The following GAREM2 variants were observed in gnomAD, a reference collection of about 807,000 sequenced individuals.
GAREM2 encodes the protein GRB2-associated and regulator of MAPK protein 2.
Under a neutral mutation model 55.6 loss-of-function variants are expected in GAREM2, and 30 were observed. The ratio of observed to expected loss-of-function variants is 0.54; its 90% CI spans 0.40 to 0.73. GAREM2 has a LOEUF of 0.73. Among genes scored for constraint, GAREM2 ranks in the 30% least tolerant of loss-of-function variants. The pLI, the probability that GAREM2 is intolerant of heterozygous loss-of-function variation, is 0.00. For synonymous variants in GAREM2, 550 were observed against 569.1 expected (o/e 0.97, Z 0.48); for missense variants, 1,075 against 1,257.7 (o/e 0.85, Z 2.20).
At chr2:26,199,802 C>T in the GAREM2 span, among the ~76,000 whole-genome samples, 9 of 152,134 alleles carry the variant, frequency 5.9e-5, no homozygotes, top group Admixed American at 2.0e-4. Context: ...CCTGCAGCCA[C>T]GCTACAAAGA....
intron 5 of GAREM2, 75 bp downstream of exon 5, chr2:26,186,433 A>G: frequency 7.3e-7 from 1 of 1,375,482 alleles, no homozygotes. Context: ...GGGGAACTAC[A>G]GTGCTGAGGA....
At chr2:26,194,721 A>G in the GAREM2 span, 7 of 899,990 alleles carry the variant, frequency 7.8e-6, no homozygotes, top group Non-Finnish European at 9.3e-6. Flanking sequence ...GGGTCACTTC[A>G]AAGTCATTTG....
rs1669344102 is a variant in GAREM2 at position 26,187,974 on chromosome 2, C to G, written c.2342C>G (p.Pro781Arg). 1 of 1,460,774 alleles carries G rather than the reference C, an allele frequency of 6.8e-7. No individual in the cohort carries two copies. The highest frequency in any genetic ancestry group is 9.1e-7 in the Non-Finnish European group (1 of 1,101,384). 90.5% of individuals were successfully genotyped at this position (1,460,774 alleles called of 1,614,324 possible). A position where few individuals can be genotyped will look rare whatever the true frequency, so the allele number is the denominator to read the frequency against. ...LFLTQGRLEG[P>R]PASPRDGATG... is the part of the protein sequence containing the mutation. ...CTAACCCAAGGGCGCCTGGAAGGGC[C>G]TCCTGCCAGTCCCCGGGATGGAGCC... is the stretch of plus-strand genomic sequence containing the variant. The change falls in exon 6 of 6, where the codon CCT (proline) becomes CGT (arginine). Residue 781 changes from proline (P) to arginine (R), a missense_variant. Around this residue, in one of 6 missense-constraint regions of GAREM2, gnomAD observed 142 missense variants for 172.3 expected, o/e 0.82. Transcript: ENST00000401533.
At chr2:26,197,634 T>C in the GAREM2 span, 4 of 845,292 alleles carry the variant, frequency 4.7e-6, no homozygotes, top group Non-Finnish European at 8.3e-6. Context: ...TGTAAGCCTT[T>C]ATCAGTGAAT....
the GAREM2 span, among the ~76,000 whole-genome samples, chr2:26,203,867 A>G: frequency 6.6e-6 from 1 of 152,238 alleles, no homozygotes; most frequent in African/African-American, 2.4e-5. Flanking sequence ...GAAGTCAAAG[A>G]AGGAATTGGC....
At position 26,180,853 on chromosome 2, in the gene GAREM2, A is replaced by G. The variant is rs1669026842; in HGVS notation, c.254-2114A>G. On this transcript the variant is annotated intron_variant, in intron 2 of 5. Coordinates refer to ENST00000401533, the MANE Select transcript of GAREM2 (RefSeq NM_001168241.2). ...GGCTGGTCTCAAACTGCTGACCTCA[A>G]GTGATCTGCCCACTTTGGCCTCCCA... The G allele has an allele frequency of 4.3e-6, 4 of 937,486 alleles. No individual in the cohort carries two copies. The South Asian group carries it at 2.0e-4, about 46-fold the overall frequency. 58.1% of individuals were successfully genotyped at this position (937,486 alleles called of 1,614,324 possible). A position where few individuals can be genotyped will look rare whatever the true frequency, so the allele number is the denominator to read the frequency against.
the GAREM2 span, among the ~76,000 whole-genome samples, chr2:26,196,864 C>T: frequency 6.6e-6 from 1 of 152,202 alleles, no homozygotes; most frequent in African/African-American, 2.4e-5. Context: ...TGTAGACTAT[C>T]GGCTGCAACT....
chr2:26,200,116 T>C, the GAREM2 span, among the ~76,000 whole-genome samples: 1 of 152,228 alleles, frequency 6.6e-6, no homozygotes, highest in Non-Finnish European at 1.5e-5. Context: ...GTTAGCTCTA[T>C]GGGCAATAAG....
At chr2:26,191,440 C>T (rs1387910535), downstream of GAREM2, 2 of 1,614,160 alleles carry the variant, frequency 1.2e-6, no homozygotes, top group Non-Finnish European at 1.7e-6. Flanking sequence ...GCAACACGGG[C>T]TCCAGGCTAA....
chr2:26,178,452 C>G (rs1259064316), intron 2 of GAREM2, among the ~76,000 whole-genome samples: 2 of 151,938 alleles, frequency 1.3e-5, no homozygotes, highest in Admixed American at 6.5e-5. Flanking sequence ...GGCGTGGTGG[C>G]GCAGGCCTGT....
In GAREM2 at chr2:26,186,235, G is replaced by C. The variant is rs1263948942; in HGVS notation, c.1475G>C (p.Arg492Pro). 16 of 1,546,830 alleles carry C rather than the reference G, an allele frequency of 1.0e-5. No individual in the cohort carries two copies. The South Asian group carries it at 1.6e-4, about 15-fold the overall frequency. ...RLLNAPPVPP[R>P]GGNGSGRLSS... The stretch of plus-strand genomic sequence containing the variant: ...CTCAATGCCCCTCCAGTGCCTCCCC[G>C]GGGTGGCAATGGCAGCGGCCGGCTC... The change falls in exon 5 of 6, where the codon CGG (arginine) becomes CCG (proline). Residue 492 changes from arginine (R) to proline (P), a missense_variant. This residue lies in a region of GAREM2 where 515 missense variants were observed against 501.5 expected (regional missense o/e 1.03). Transcript: ENST00000401533.
the GAREM2 span, among the ~76,000 whole-genome samples, chr2:26,202,406 CA>C: frequency 5.6e-4 from 85 of 152,174 alleles, no homozygotes; most frequent in African/African-American, 2.0e-3. Context: ...TAACCAAAAG[CA>C]AAATTAAGGC....
At chr2:26,185,651 C>G (rs1454477510) in intron 4 of GAREM2, among the ~76,000 whole-genome samples, 3 of 152,124 alleles carry the variant, frequency 2.0e-5, no homozygotes, top group Non-Finnish European at 2.9e-5. Context: ...CTTTTTCCCT[C>G]CTCATATTGG....
At chr2:26,180,114 G>A (rs62128433) in intron 2 of GAREM2, among the ~76,000 whole-genome samples, 3 of 152,130 alleles carry the variant, frequency 2.0e-5, no homozygotes, top group African/African-American at 7.2e-5. Flanking sequence ...GTCCCAGGGC[G>A]GGGAGGGCAG....
rs189340982 is a variant in GAREM2 at position 26,180,727 on chromosome 2, C to G, written c.254-2240C>G. ...TGCCTTCCAGGTTCAAGCGATTCCC[C>G]TGCCTCAGCCTCCCAAGTAGCTGGG... On this transcript the variant is annotated intron_variant, in intron 2 of 5. Coordinates refer to ENST00000401533, the MANE Select transcript of GAREM2 (RefSeq NM_001168241.2). 374 of 165,400 alleles carry G rather than the reference C, an allele frequency of 2.3e-3. 2 individuals are homozygous for G. The highest frequency in any genetic ancestry group is 8.7e-3 in the African/African-American group (366 of 41,862). 10.2% of individuals were successfully genotyped at this position (165,400 alleles called of 1,614,324 possible).
the GAREM2 span, among the ~76,000 whole-genome samples, chr2:26,200,793 C>T: frequency 1.1e-3 from 168 of 150,904 alleles, no homozygotes; most frequent in Middle Eastern, 0.014. Context: ...AGTGCAGTGG[C>T]GTGATCTCGG....
At chr2:26,195,377 T>C in the GAREM2 span, 3 of 774,026 alleles carry the variant, frequency 3.9e-6, no homozygotes, top group Non-Finnish European at 6.9e-6. Flanking sequence ...TTTGGTTCCA[T>C]GGGTCTTTGA....
At chr2:26,199,827 G>C in the GAREM2 span, among the ~76,000 whole-genome samples, 4 of 152,158 alleles carry the variant, frequency 2.6e-5, no homozygotes, top group Non-Finnish European at 5.9e-5. Context: ...GTGGTGAGAC[G>C]ACTAAGTGAG....
intron 1 of GAREM2, 44 bp from the exon 2 acceptor site, chr2:26,176,300 C>G: frequency 6.8e-7 from 1 of 1,476,452 alleles, no homozygotes; most frequent in South Asian, 1.4e-5. Flanking sequence ...TTCTAATGTC[C>G]TGTCTTCCTT....
Sources: gnomAD v4.1 joint callset for allele counts (sites outside exome capture counted in the v4.1 genomes callset) on GRCh38, gnomAD v4.1.1 for gene constraint, gnomAD v4.1.1 regional missense constraint, MANE v1.5 for transcripts, NCBI Gene and HGNC (gene_info 2026-07-23, HGNC 2026-07-21) for gene names.